FAM120B: variants seen among roughly 807,000 people sequenced by gnomAD.
The protein encoded by FAM120B is family with sequence similarity 120 member B.
A neutral mutation model predicts 96.3 loss-of-function variants in FAM120B; 83 were observed. The observed-to-expected ratio is 0.86, with a 90% CI of 0.72 to 1.03. FAM120B has a LOEUF of 1.03. FAM120B is among the 50% of genes least tolerant of loss of function. The pLI, the probability that FAM120B is intolerant of heterozygous loss-of-function variation, is 0.00. For synonymous variants in FAM120B, 407 were observed against 402.7 expected (o/e 1.01, Z -0.13); for missense variants, 1,027 against 1,121.2 (o/e 0.92, Z 1.20).
chr6:170,348,287 A>G lies in FAM120B; in HGVS notation c.2154A>G (p.Gln718=), dbSNP rs757679876. 3 of 1,613,628 alleles carry G rather than the reference A, an allele frequency of 1.9e-6. No individual in the cohort carries two copies. Among genetic ancestry groups the G allele is most frequent in the South Asian group, 1.1e-5 (1 of 91,052 alleles). The change falls in exon 5 of 11, where the codon CAA becomes CAG. Residue 718 remains glutamine, a synonymous_variant. Coordinates refer to ENST00000476287, the MANE Select transcript of FAM120B (RefSeq NM_032448.3). The part of the protein sequence containing the change: ...EELQAVESPF[Q]ALCCLLIYLF... ...TGCAGGCTGTCGAAAGCCCATTTCA[A>G]GCTTTGTGCTGCCTCTTGATCTACC...
At chr6:170,369,399 G>C (rs1486227903) in intron 6 of FAM120B, among the ~76,000 whole-genome samples, 1 of 152,168 alleles carries the variant, frequency 6.6e-6, no homozygotes, top group Non-Finnish European at 1.5e-5. Context: ...CACTGACTTT[G>C]CCCATAGTCC....
intron 6 of FAM120B, among the ~76,000 whole-genome samples, chr6:170,374,995 C>G (rs1350347854): frequency 1.3e-5 from 2 of 152,224 alleles, no homozygotes; most frequent in Non-Finnish European, 2.9e-5. Flanking sequence ...GAACCAAATC[C>G]AGTTCTTCAT....
chr6:170,313,484 A>C (rs754594644), intron 1 of FAM120B, among the ~76,000 whole-genome samples: 3 of 152,224 alleles, frequency 2.0e-5, no homozygotes, highest in African/African-American at 4.8e-5. Flanking sequence ...GTATTGTCAT[A>C]CTGGGCTGTT....
At chr6:170,359,591 T>C (rs1788205360) in intron 6 of FAM120B, among the ~76,000 whole-genome samples, 1 of 151,968 alleles carries the variant, frequency 6.6e-6, no homozygotes, top group Non-Finnish European at 1.5e-5. Flanking sequence ...TATATGTGTG[T>C]GTGTACATGT....
intron 5 of FAM120B, 81 bp from the exon 6 acceptor site, chr6:170,358,145 T>A: frequency 8.1e-7 from 1 of 1,227,504 alleles, no homozygotes; most frequent in Admixed American, 2.0e-5. Flanking sequence ...CACACACTCA[T>A]AGTTAATAAC....
intron 6 of FAM120B, among the ~76,000 whole-genome samples, chr6:170,378,752 C>G (rs930936921): frequency 2.0e-5 from 3 of 152,240 alleles, no homozygotes; most frequent in African/African-American, 2.4e-5. Context: ...GAGCCCTGAG[C>G]TCCTGGTTGT....
At chr6:170,376,735 C>T (rs146822400) in intron 6 of FAM120B, among the ~76,000 whole-genome samples, 1,577 of 152,218 alleles carry the variant, frequency 0.01, 11 homozygotes, top group Middle Eastern at 0.02. Context: ...TTGAGGCGTT[C>T]GAATGTGAAC....
At chr6:170,303,060 T>A (rs189919606), upstream of FAM120B, among the ~76,000 whole-genome samples, 1,062 of 152,354 alleles carry the variant, frequency 7.0e-3, 13 homozygotes, top group African/African-American at 0.024. Context: ...AATAACTTTT[T>A]AAAACTTAAA....
chr6:170,330,762 C>T (rs1019611208), intron 4 of FAM120B: 16 of 550,928 alleles, frequency 2.9e-5, no homozygotes, highest in East Asian at 9.5e-5. Context: ...GGACCATCTG[C>T]GGCGGTGCTC....
chr6:170,344,530 G>A (rs1050979715), intron 4 of FAM120B, among the ~76,000 whole-genome samples: 2 of 149,702 alleles, frequency 1.3e-5, no homozygotes, highest in Non-Finnish European at 3.0e-5. Flanking sequence ...GGATGAAATC[G>A]TTCAGTCCAT....
At position 170,388,336 on chromosome 6, in the gene FAM120B, G is replaced by A. The variant is rs369165364; in HGVS notation, c.2333G>A (p.Arg778His). The A allele has an allele frequency of 6.8e-6, 11 of 1,613,936 alleles. No individual in the cohort carries two copies. The highest frequency in any genetic ancestry group is 1.1e-5 in the South Asian group (1 of 91,078). ...GTGCAGCTGGGCTCCCTTCTCGTCC[G>A]CGGCCTCACCACTCTGGTTTTAGTC... ...RAVQLGSLLVRGLTTLVLVNS... is the reference protein window; with the variant it reads ...RAVQLGSLLVHGLTTLVLVNS... Residue 778 changes from arginine (R) to histidine (H), a missense_variant, in exon 7 of 11, where the codon CGC becomes CAC. Around this residue, in one of 3 missense-constraint regions of FAM120B, gnomAD observed 880 missense variants for 980.9 expected, o/e 0.90. Coordinates refer to ENST00000476287, the MANE Select transcript of FAM120B (RefSeq NM_032448.3).
At position 170,406,024 on chromosome 6, in the gene FAM120B, A is replaced by AT. The variant is rs1020915169; in HGVS notation, c.*1275dup. On this transcript the variant is annotated 3_prime_UTR_variant, in exon 11 of 11. Coordinates refer to ENST00000476287, the MANE Select transcript of FAM120B (RefSeq NM_032448.3). ...GAAGGACTTTTGGTTAAAAAAAAAA[A>AT]TTAAGTTCAGAGTAATCCTTTTCAT... 1.3e-4 allele frequency: 19 copies of AT among 151,516 alleles called. No homozygotes were observed. The highest frequency in any genetic ancestry group is 1.3e-3 in the Admixed American group (19 of 15,182). The allele number at this position is 151,516 out of a possible 1,614,324, so 9.4% of individuals were successfully genotyped here.
intron 9 of FAM120B, among the ~76,000 whole-genome samples, chr6:170,399,214 A>T (rs867179769): frequency 6.8e-6 from 1 of 147,404 alleles, no homozygotes; most frequent in African/African-American, 2.6e-5. Context: ...TGAGTGGGAA[A>T]GGTAGAACTA....
intron 3 of FAM120B, among the ~76,000 whole-genome samples, chr6:170,327,192 A>G (rs982476313): frequency 9.2e-5 from 14 of 151,932 alleles, no homozygotes; most frequent in Non-Finnish European, 1.8e-4. Context: ...GACTACAGGC[A>G]CCCGCCACCA....
chr6:170,400,475 G>T (rs1215719083), intron 9 of FAM120B, among the ~76,000 whole-genome samples: 1 of 152,096 alleles, frequency 6.6e-6, no homozygotes, highest in Non-Finnish European at 1.5e-5. Context: ...TGCTGTGGTA[G>T]CTTCAGACAG....
Position 170,319,092 on chromosome 6 carries a change from G to A in FAM120B, c.1702G>A (p.Val568Ile), listed in dbSNP as rs1785127425. 1 of 1,578,456 alleles carries A rather than the reference G, an allele frequency of 6.3e-7. No individual in the cohort carries two copies. The highest frequency in any genetic ancestry group is 8.6e-7 in the Non-Finnish European group (1 of 1,165,218). Reference protein sequence around the residue: ...TNVGPEVKQQVTMVSDTEILK... With the variant: ...TNVGPEVKQQITMVSDTEILK... ...TGTGGGGCCTGAAGTAAAGCAACAAGTAACCATGGTTTCAGACACTGAAAT... is the reference window on the plus strand; with the variant it reads ...TGTGGGGCCTGAAGTAAAGCAACAAATAACCATGGTTTCAGACACTGAAAT... Residue 568 changes from valine to isoleucine, a missense_variant, in exon 2 of 11, where the codon GTA (valine) becomes ATA (isoleucine). Val to Ile is a conservative substitution (Grantham distance 29, BLOSUM62 3). Coordinates refer to ENST00000476287, the MANE Select transcript of FAM120B (RefSeq NM_032448.3).
rs766478200 is a variant in FAM120B, at chr6:170,404,503, G to A, written c.2693-47G>A. On this transcript the variant is annotated intron_variant, in intron 9 of 10. Transcript: ENST00000476287. Reference sequence around the variant, plus strand: ...TGTGCAGCATTCTTGTTTGTGTATTGAGAGAGATTTAATTCTTACTTTGGT... The same window carrying A: ...TGTGCAGCATTCTTGTTTGTGTATTAAGAGAGATTTAATTCTTACTTTGGT... 3.9e-6 allele frequency: 6 copies of A among 1,546,348 alleles called. No individual in the cohort carries two copies. In the Admixed American group the frequency reaches 1.0e-4, roughly 26 times the overall value.
chr6:170,381,802 T>C (rs1789918962), intron 6 of FAM120B, among the ~76,000 whole-genome samples: 1 of 150,552 alleles, frequency 6.6e-6, no homozygotes, highest in Non-Finnish European at 1.5e-5. Context: ...TGCCCATTCA[T>C]GGTTAAAAAA....
chr6:170,401,399 G>A (rs1485310090), intron 9 of FAM120B, among the ~76,000 whole-genome samples: 1 of 152,138 alleles, frequency 6.6e-6, no homozygotes, highest in Non-Finnish European at 1.5e-5. Context: ...GGACATGGGG[G>A]GCTGGCAGGA....
Sources: allele counts gnomAD v4.1 joint callset (sites outside exome capture counted in the v4.1 genomes callset), GRCh38; gene constraint gnomAD v4.1.1; regional missense constraint gnomAD v4.1.1; transcripts MANE v1.5; gene names NCBI Gene and HGNC (gene_info 2026-07-23, HGNC 2026-07-21).